Variants in KCMF1 observed in about 807,000 individuals in gnomAD.
The protein encoded by KCMF1 is potassium channel modulatory factor 1.
A neutral mutation model predicts 41.1 loss-of-function variants in KCMF1; 3 were observed. The observed-to-expected ratio is 0.07, with a 90% CI of 0.03 to 0.19. The LOEUF is 0.19. Ranked by LOEUF, KCMF1 falls within the 10% of genes least tolerant of loss-of-function variation. KCMF1 has a pLI of 1.00. For missense variants in KCMF1, 286 were observed against 488.9 expected, an observed-to-expected ratio of 0.58 and a Z score of 3.91; for synonymous variants, 142 against 164.5, an observed-to-expected ratio of 0.86 and a Z score of 1.04.
At chr2:85,046,013 C>T (rs1675658475) in intron 4 of KCMF1, 91 bp from the exon 5 acceptor site, 12 of 1,046,628 alleles carry the variant, frequency 1.1e-5, no homozygotes, top group Non-Finnish European at 1.4e-5. Context: ...GCTTACAATT[C>T]AGGAAATCTT....
intron 1 of KCMF1, among the ~76,000 whole-genome samples, chr2:85,018,508 G>C (rs182337910): frequency 6.6e-5 from 10 of 152,120 alleles, no homozygotes; most frequent in Admixed American, 2.0e-4. Context: ...GACCTCAGGT[G>C]ATCTGCCCGC....
At chr2:84,985,196 G>C (rs1438524360) in intron 1 of KCMF1, among the ~76,000 whole-genome samples, 3 of 152,194 alleles carry the variant, frequency 2.0e-5, no homozygotes, top group Non-Finnish European at 4.4e-5. Context: ...AAAGGGGTAG[G>C]AAGTGAAGTT....
intron 3 of KCMF1, among the ~76,000 whole-genome samples, chr2:85,040,676 A>G (rs576630337): frequency 2.0e-4 from 30 of 150,954 alleles, no homozygotes; most frequent in African/African-American, 7.1e-4. Context: ...TTCCTTTCCA[A>G]CTCCTCATTT....
At chr2:85,019,793 T>C (rs1454025947) in intron 1 of KCMF1, among the ~76,000 whole-genome samples, 2 of 151,922 alleles carry the variant, frequency 1.3e-5, no homozygotes, top group East Asian at 3.9e-4. Context: ...TATATACGTA[T>C]ATATGTGTGT....
chr2:85,022,309 A>C lies in KCMF1; in HGVS notation c.17-5580A>C, dbSNP rs554629034. Among the ~76,000 whole-genome samples, 3 of 151,268 alleles carry C rather than the reference A, an allele frequency of 2.0e-5. No individual in the cohort carries two copies. In the East Asian group the frequency reaches 5.8e-4, roughly 29 times the overall value. The stretch of plus-strand genomic sequence containing the variant: ...CAACTTGGCGAAATCCCATCTCTAC[A>C]AAAAAAATACAAAAATTATGCGGGC... On this transcript the variant is annotated intron_variant, in intron 1 of 6. Transcript: ENST00000409785.
intron 1 of KCMF1, among the ~76,000 whole-genome samples, chr2:84,981,981 C>T (rs956380579): frequency 2.6e-5 from 4 of 152,190 alleles, no homozygotes; most frequent in African/African-American, 9.6e-5. Flanking sequence ...CAGAGTTTCA[C>T]CATGTTATCC....
At chr2:85,027,852 TAC>T in intron 1 of KCMF1, 35 bp from the exon 2 acceptor site, 1 of 1,422,150 alleles carries the variant, frequency 7.0e-7, no homozygotes, top group Non-Finnish European at 9.6e-7. Context: ...GAGTGGCCTT[TAC>T]AACTGGTAAC....
intron 1 of KCMF1, among the ~76,000 whole-genome samples, chr2:84,984,875 G>A (rs958349633): frequency 3.3e-5 from 5 of 152,088 alleles, no homozygotes; most frequent in African/African-American, 1.2e-4. Flanking sequence ...ATTTTGTGAA[G>A]TTGGGGCCTC....
intron 1 of KCMF1, 34 bp downstream of exon 1, chr2:84,971,501 C>T (rs1673391802): frequency 8.4e-7 from 1 of 1,191,324 alleles, no homozygotes; most frequent in Non-Finnish European, 1.1e-6. Context: ...CCGCACCTCC[C>T]GGGCCTCGGC....
intron 2 of KCMF1, among the ~76,000 whole-genome samples, chr2:85,029,316 T>G (rs1449021672): frequency 6.6e-6 from 1 of 152,064 alleles, no homozygotes; most frequent in African/African-American, 2.4e-5. Context: ...TTATGGTGGC[T>G]AACGCCTGTA....
intron 1 of KCMF1, among the ~76,000 whole-genome samples, chr2:85,002,187 A>G (rs970379257): frequency 6.6e-6 from 1 of 152,200 alleles, no homozygotes; most frequent in African/African-American, 2.4e-5. Context: ...TTTGTTCTTT[A>G]CATTCTGGTT....
intron 1 of KCMF1, among the ~76,000 whole-genome samples, chr2:85,014,379 G>T (rs1674715857): frequency 6.6e-6 from 1 of 152,180 alleles, no homozygotes; most frequent in Non-Finnish European, 1.5e-5. Flanking sequence ...ATATGCTTCA[G>T]TAGGCAACCC....
At chr2:85,025,202 C>T (rs916895867) in intron 1 of KCMF1, among the ~76,000 whole-genome samples, 5 of 152,100 alleles carry the variant, frequency 3.3e-5, no homozygotes, top group African/African-American at 1.2e-4. Flanking sequence ...ATGAACCTTC[C>T]AGTCCATGAA....
At chr2:85,018,664 C>A (rs1176808130) in intron 1 of KCMF1, among the ~76,000 whole-genome samples, 1 of 152,038 alleles carries the variant, frequency 6.6e-6, no homozygotes, top group African/African-American at 2.4e-5. Context: ...GTAAATGAAA[C>A]CTAAATATTT....
intron 1 of KCMF1, among the ~76,000 whole-genome samples, chr2:85,002,272 A>G (rs989627348): frequency 2.0e-5 from 3 of 152,190 alleles, no homozygotes; most frequent in East Asian, 1.9e-4. Flanking sequence ...CCAGTGTCCT[A>G]TGAAATATGC....
chr2:85,026,495 A>ATTATTTTTT (rs1553381454), intron 1 of KCMF1, among the ~76,000 whole-genome samples: 1 of 143,584 alleles, frequency 7.0e-6, no homozygotes, highest in African/African-American at 2.6e-5. Flanking sequence ...TATTATTATT[A>ATTATTTTTT]TTTTTATTTT....
intron 1 of KCMF1, among the ~76,000 whole-genome samples, chr2:85,010,602 TGAG>T (rs1674628588): frequency 6.6e-6 from 1 of 152,180 alleles, no homozygotes; most frequent in South Asian, 2.1e-4. Flanking sequence ...CCAGTGCAAT[TGAG>T]GAACTGAATT....
chr2:85,017,501 C>A (rs1035004459), intron 1 of KCMF1, among the ~76,000 whole-genome samples: 3 of 152,080 alleles, frequency 2.0e-5, no homozygotes, highest in Non-Finnish European at 4.4e-5. Flanking sequence ...TGGAGAGATG[C>A]AAGGGCCTTG....
At chr2:84,976,442 G>T (rs1673547133) in intron 1 of KCMF1, among the ~76,000 whole-genome samples, 1 of 152,032 alleles carries the variant, frequency 6.6e-6, no homozygotes, top group South Asian at 2.1e-4. Flanking sequence ...CTGACCGCAA[G>T]TGATCCACCC....
Sources: gnomAD v4.1 joint callset for allele counts (sites outside exome capture counted in the v4.1 genomes callset) on GRCh38, gnomAD v4.1.1 for gene constraint, MANE v1.5 for transcripts, NCBI Gene and HGNC (gene_info 2026-07-23, HGNC 2026-07-21) for gene names.